Variants in STAM observed in about 807,000 individuals in gnomAD.
STAM encodes signal transducing adapter molecule 1.
Under a neutral mutation model 63.4 loss-of-function variants are expected in STAM, and 16 were observed. That is an observed-to-expected ratio of 0.25 (90% confidence interval 0.17 to 0.38). The LOEUF is 0.38. STAM is among the 10% of genes least tolerant of loss of function. STAM has a pLI of 1.00. For synonymous variants in STAM, 238 were observed against 223.9 expected (o/e 1.06, Z -0.56); for missense variants, 636 against 657.1 (o/e 0.97, Z 0.35).
chr10:17,663,522 CAG>C (rs1298081426), intron 2 of STAM, among the ~76,000 whole-genome samples: 4 of 151,960 alleles, frequency 2.6e-5, no homozygotes, highest in African/African-American at 9.7e-5. Flanking sequence ...TTCTTTTAGT[CAG>C]TGTTTTTTCC....
At chr10:17,699,877 G>C (rs940025760) in intron 8 of STAM, among the ~76,000 whole-genome samples, 58 of 151,998 alleles carry the variant, frequency 3.8e-4, no homozygotes, top group African/African-American at 1.4e-3. Flanking sequence ...CTTTGCTTTT[G>C]TCCTCCAGCT....
rs1589079963 is a variant in STAM at position 17,688,285 on chromosome 10, T to C, written c.444+112T>C. ...GTAATTTTTACTACTTCAGAGGAAT[T>C]TTCGTTAGCTAATTGTGTTAGTAAC... On this transcript the variant is annotated intron_variant, in intron 5 of 13. Coordinates refer to ENST00000377524, the MANE Select transcript of STAM (RefSeq NM_003473.4). The C allele has an allele frequency of 4.6e-6, 5 of 1,087,588 alleles. No homozygotes were observed. The East Asian group carries it at 1.3e-4, about 29-fold the overall frequency. The allele number at this position is 1,087,588 out of a possible 1,614,324, so 67.4% of individuals were successfully genotyped here.
chr10:17,702,415 T>C (rs1297782240), intron 9 of STAM, among the ~76,000 whole-genome samples: 2 of 152,122 alleles, frequency 1.3e-5, no homozygotes, highest in African/African-American at 2.4e-5. Context: ...TGAATGGTAA[T>C]GGTGAGTGCA....
intron 2 of STAM, among the ~76,000 whole-genome samples, chr10:17,663,831 T>C (rs948858126): frequency 6.6e-6 from 1 of 152,124 alleles, no homozygotes; most frequent in Non-Finnish European, 1.5e-5. Flanking sequence ...CTGTTTAACA[T>C]ACATCTCCAG....
chr10:17,669,340 G>C (rs115217338), intron 2 of STAM, among the ~76,000 whole-genome samples: 1 of 149,266 alleles, frequency 6.7e-6, no homozygotes, highest in Admixed American at 6.7e-5. Flanking sequence ...CATTTGGTAG[G>C]ATATGGTCTT....
In STAM at chr10:17,695,151, G is replaced by A. The variant is rs371026356; in HGVS notation, c.638G>A (p.Arg213Gln). ...TTAACTAACCACCAACATGAAGGCC[G>A]AAAAGTTCGTGCTATATATGACTTT... ...SLLTNHQHEG[R>Q]KVRAIYDFEA... The change falls in exon 7 of 14, where the codon CGA (arginine) becomes CAA (glutamine). Residue 213 changes from arginine to glutamine, a missense_variant. Physicochemically the swap from Arg to Gln is conservative, Grantham distance 43. Coordinates refer to ENST00000377524, the MANE Select transcript of STAM (RefSeq NM_003473.4). 6.2e-6 allele frequency: 10 copies of A among 1,614,036 alleles called. No homozygotes were observed. The highest frequency in any genetic ancestry group is 3.3e-5 in the Admixed American group (2 of 60,010).
chr10:17,674,166 A>G (rs1247648634), intron 2 of STAM, among the ~76,000 whole-genome samples: 2 of 152,240 alleles, frequency 1.3e-5, no homozygotes, highest in African/African-American at 4.8e-5. Context: ...TGTTTTAAAC[A>G]GAGATTAAAA....
chr10:17,693,415 A>G, intron 6 of STAM, 103 bp downstream of exon 6: 1 of 944,858 alleles, frequency 1.1e-6, no homozygotes. Flanking sequence ...AAAAGCTGAA[A>G]TCTGCTTTGT....
intron 13 of STAM, among the ~76,000 whole-genome samples, chr10:17,713,724 G>A (rs1304739883): frequency 6.6e-6 from 1 of 152,076 alleles, no homozygotes; most frequent in Non-Finnish European, 1.5e-5. Flanking sequence ...CTCTTCTGCT[G>A]GTCGGCTCTC....
At chr10:17,664,013 A>G (rs1554823146) in intron 2 of STAM, among the ~76,000 whole-genome samples, 3 of 152,036 alleles carry the variant, frequency 2.0e-5, no homozygotes, top group Non-Finnish European at 1.5e-5. Context: ...GGAAAAATAT[A>G]TTAGTATTAT....
chr10:17,684,086 G>A (rs1320736457), intron 2 of STAM, among the ~76,000 whole-genome samples: 1 of 151,980 alleles, frequency 6.6e-6, no homozygotes, highest in Non-Finnish European at 1.5e-5. Flanking sequence ...TGTGAGCGTT[G>A]GATCTCTTTA....
intron 6 of STAM, among the ~76,000 whole-genome samples, chr10:17,694,072 C>T (rs1835656336): frequency 6.6e-6 from 1 of 151,836 alleles, no homozygotes; most frequent in Admixed American, 6.6e-5. Context: ...ATTCACTGGT[C>T]ATTATGTTTT....
chr10:17,703,530 G>T (rs1836114177), intron 9 of STAM, among the ~76,000 whole-genome samples: 1 of 152,058 alleles, frequency 6.6e-6, no homozygotes, highest in Non-Finnish European at 1.5e-5. Context: ...AGAAAGGTTT[G>T]TAATTATTTT....
In STAM at chr10:17,708,822, A is replaced by T. The variant is rs1399242568; in HGVS notation, c.1256A>T (p.Asn419Ile). 8 of 1,613,976 alleles carry T rather than the reference A, an allele frequency of 5.0e-6. No homozygotes were observed. The highest frequency in any genetic ancestry group is 6.8e-6 in the Non-Finnish European group (8 of 1,179,974). ...PPSGAYLVAG[N>I]AQMSHLQSYS... ...AGTGGTGCCTACCTGGTTGCAGGGA[A>T]CGCGCAGATGAGCCACCTCCAGAGC... Residue 419 changes from asparagine to isoleucine, a missense_variant, in exon 13 of 14, where the codon AAC becomes ATC. By Grantham distance (149) the Asn-to-Ile change is moderately radical. Around this residue, in one of 3 missense-constraint regions of STAM, gnomAD observed 532 missense variants for 536.9 expected, o/e 0.99. Coordinates refer to ENST00000377524, the MANE Select transcript of STAM (RefSeq NM_003473.4).
intron 13 of STAM, among the ~76,000 whole-genome samples, chr10:17,713,164 C>T (rs1554830248): frequency 6.6e-6 from 1 of 152,156 alleles, no homozygotes; most frequent in East Asian, 1.9e-4. Flanking sequence ...TTCCCTTCTG[C>T]CTCACCGCCA....
At chr10:17,705,960 C>T (rs1202198047) in intron 12 of STAM, among the ~76,000 whole-genome samples, 4 of 151,698 alleles carry the variant, frequency 2.6e-5, no homozygotes, top group East Asian at 1.9e-4. Context: ...TCCCTGCTCT[C>T]GAAAAGCTGA....
chr10:17,704,400 G>C (rs1836157461), intron 9 of STAM, 31 bp from the exon 10 acceptor site: 1 of 1,584,756 alleles, frequency 6.3e-7, no homozygotes, highest in Middle Eastern at 1.7e-4. Context: ...AAGGTTGGTA[G>C]CTTTTTATAT....
At chr10:17,658,387 T>C (rs1280417378) in intron 1 of STAM, among the ~76,000 whole-genome samples, 61 of 152,274 alleles carry the variant, frequency 4.0e-4, no homozygotes, top group Admixed American at 4.0e-3. Context: ...CATGAGAGCT[T>C]GGGAAGAATG....
intron 10 of STAM, 107 bp from the exon 11 acceptor site, chr10:17,704,863 T>A: frequency 1.0e-6 from 1 of 953,592 alleles, no homozygotes; most frequent in South Asian, 1.7e-5. Context: ...ATATTTTTAT[T>A]ACTCCAAATT....
Sources: allele counts gnomAD v4.1 joint callset (sites outside exome capture counted in the v4.1 genomes callset), GRCh38; gene constraint gnomAD v4.1.1; regional missense constraint gnomAD v4.1.1; transcripts MANE v1.5; gene names NCBI Gene and HGNC (gene_info 2026-07-23, HGNC 2026-07-21).